The following COL5A1 variants were observed in gnomAD, a reference collection of about 807,000 sequenced individuals.
The protein encoded by COL5A1 is collagen type V alpha 1 chain, also known as collagen alpha-1(V) chain.
A neutral mutation model predicts 263.7 loss-of-function variants in COL5A1; 16 were observed. The observed-to-expected ratio is 0.06, with a 90% CI of 0.04 to 0.09. The LOEUF is 0.09. COL5A1 is among the 10% of genes least tolerant of loss of function. The pLI, the probability that COL5A1 is intolerant of heterozygous loss-of-function variation, is 1.00. For synonymous variants in COL5A1, 1,012 were observed against 1,004.5 expected, an observed-to-expected ratio of 1.01 and a Z score of -0.14; for missense variants, 2,036 against 2,540.5, an observed-to-expected ratio of 0.80 and a Z score of 4.27.
chr9:134,756,590 C>T, intron 16 of COL5A1, among the ~76,000 whole-genome samples, 175 bp from the exon 17 acceptor site: 1 of 152,198 alleles, frequency 6.6e-6, no homozygotes, highest in East Asian at 1.9e-4. Flanking sequence ...CAGAACAGCC[C>T]CGCCCGGGCT....
intron 32 of COL5A1, among the ~76,000 whole-genome samples, chr9:134,791,130 C>G (rs756692428): frequency 7.2e-5 from 11 of 152,212 alleles, no homozygotes; most frequent in Non-Finnish European, 1.0e-4. Context: ...AAACCTGACT[C>G]AAGCCCAGAC....
At chr9:134,830,164 G>GC in intron 64 of COL5A1, 120 bp downstream of exon 64, 3 of 1,610,808 alleles carry the variant, frequency 1.9e-6, no homozygotes, top group Non-Finnish European at 2.5e-6. Flanking sequence ...GTCAGTACAA[G>GC]CGGGGGTCCC....
chr9:134,744,903 A>G (rs186324232), intron 11 of COL5A1, among the ~76,000 whole-genome samples: 7 of 152,278 alleles, frequency 4.6e-5, no homozygotes, highest in African/African-American at 1.7e-4. Context: ...ACTCATGCAC[A>G]TATGCACACA....
rs1363712703 is a variant in COL5A1, at chr9:134,758,934, ATCTGTCTCAATAGACTGTGGTCT to A, written c.1935+642_1935+664del. ...AACAGCCAAGCCCCTCGAATCTTGA[ATCTGTCTCAATAGACTGTGGTCT>A]TCTTTCAATAACAACGTGATAGAAA... On this transcript the variant is annotated intron_variant, in intron 18 of 65. Transcript: ENST00000371817. The surrounding 1 kb of genome is among the most constrained non-coding windows in gnomAD (Gnocchi z 4.1). Among the ~76,000 whole-genome samples, 2 of 152,152 alleles carry A rather than the reference ATCTGTCTCAATAGACTGTGGTCT, an allele frequency of 1.3e-5. No individual in the cohort carries two copies. Among genetic ancestry groups the A allele is most frequent in the African/African-American group, 2.4e-5 (1 of 41,406 alleles).
chr9:134,801,232 G>A lies in COL5A1; in HGVS notation c.2953-722G>A, dbSNP rs562373874. ...CGAGTTATGAAAGCAGCTGGCCCTC[G>A]CTCTTGCCTGTTTTAAATACATGCT... On this transcript the variant is annotated intron_variant, in intron 37 of 65. Coordinates refer to ENST00000371817, the MANE Select transcript of COL5A1 (RefSeq NM_000093.5). Among the ~76,000 whole-genome samples the A allele has an allele frequency of 4.5e-4, 69 of 152,338 alleles. No homozygotes were observed. In the Middle Eastern group the frequency reaches 0.01, roughly 23 times the overall value.
chr9:134,738,402 C>T, intron 9 of COL5A1, 72 bp from the exon 10 acceptor site: 1 of 1,573,834 alleles, frequency 6.4e-7, no homozygotes, highest in Non-Finnish European at 8.7e-7. Flanking sequence ...TGAAGGCCGT[C>T]CACACCACTG....
At chr9:134,693,101 C>T (rs1833340332) in intron 2 of COL5A1, among the ~76,000 whole-genome samples, 1 of 152,016 alleles carries the variant, frequency 6.6e-6, no homozygotes, top group South Asian at 2.1e-4. Flanking sequence ...AAAGAAATGG[C>T]TTGGCCTTCC....
At chr9:134,667,288 C>G (rs950623764) in intron 1 of COL5A1, among the ~76,000 whole-genome samples, 1 of 152,218 alleles carries the variant, frequency 6.6e-6, no homozygotes, top group Non-Finnish European at 1.5e-5. Context: ...CTGTCCCTAG[C>G]CTATCTGGTG....
At chr9:134,665,514 A>G (rs1242838375) in intron 1 of COL5A1, among the ~76,000 whole-genome samples, 1 of 152,242 alleles carries the variant, frequency 6.6e-6, no homozygotes, top group Non-Finnish European at 1.5e-5. Flanking sequence ...GTCTATGATT[A>G]TTGAAAAGGG....
At chr9:134,762,235 GCT>G (rs1167263506) in intron 19 of COL5A1, among the ~76,000 whole-genome samples, 1 of 152,240 alleles carries the variant, frequency 6.6e-6, no homozygotes, top group African/African-American at 2.4e-5. Context: ...CTCGGGGCCA[GCT>G]CTCAGCTCTC....
chr9:134,727,499 C>G (rs1834705445), intron 5 of COL5A1, 102 bp downstream of exon 5: 1 of 1,366,402 alleles, frequency 7.3e-7, no homozygotes, highest in Admixed American at 1.8e-5. Context: ...TAAATAAATC[C>G]ACTGGGTGAG....
At chr9:134,679,978 C>G (rs764144199) in intron 1 of COL5A1, among the ~76,000 whole-genome samples, 1 of 151,828 alleles carries the variant, frequency 6.6e-6, no homozygotes, top group Non-Finnish European at 1.5e-5. Flanking sequence ...GGGGTGGTGC[C>G]GGGTCAGGTG....
At chr9:134,674,053 AC>A (rs1371350165) in intron 1 of COL5A1, among the ~76,000 whole-genome samples, 2 of 152,094 alleles carry the variant, frequency 1.3e-5, no homozygotes, top group Non-Finnish European at 2.9e-5. Context: ...AAAAACTATC[AC>A]CCATTCTTGG....
At chr9:134,808,633 T>C (rs747972104) in intron 42 of COL5A1, among the ~76,000 whole-genome samples, 17 of 152,216 alleles carry the variant, frequency 1.1e-4, no homozygotes, top group Non-Finnish European at 2.2e-4. Context: ...TGCACATGCA[T>C]GTGCATGCAT....
intron 63 of COL5A1, among the ~76,000 whole-genome samples, chr9:134,828,483 C>A (rs964726031): frequency 2.6e-5 from 4 of 151,460 alleles, no homozygotes; most frequent in Non-Finnish European, 5.9e-5. Flanking sequence ...ACCACACGCA[C>A]AGATACAGGC....
rs1832427395 is a variant in COL5A1 at position 134,668,590 on chromosome 9, C to T, written c.110-22322C>T. Among the ~76,000 whole-genome samples, 4 of 152,120 alleles carry T rather than the reference C, an allele frequency of 2.6e-5. No homozygotes were observed. The South Asian group carries it at 6.2e-4, about 24-fold the overall frequency. ...TCCATCCATCCATCTATCTACTTGT[C>T]CATCCATACCATTAATCTACCCATA... On this transcript the variant is annotated intron_variant, in intron 1 of 65. Coordinates refer to ENST00000371817, the MANE Select transcript of COL5A1 (RefSeq NM_000093.5).
rs748139985 is a variant in COL5A1 at position 134,763,744 on chromosome 9, C to T, written c.2034+7C>T. ...GGGGCTGCCTGGGGAGCCCGTAAGT[C>T]TGTGAGCTGAGTGGGACGGTGGGGG... On this transcript the variant is annotated splice_region_variant and intron_variant, in intron 20 of 65. Transcript: ENST00000371817. The T allele has an allele frequency of 1.1e-5, 17 of 1,613,272 alleles. No individual in the cohort carries two copies. In the East Asian group the frequency reaches 3.6e-4, roughly 34 times the overall value.
intron 36 of COL5A1, 144 bp from the exon 37 acceptor site, chr9:134,798,264 G>A (rs1010319014): frequency 6.5e-6 from 5 of 771,684 alleles, no homozygotes; most frequent in South Asian, 1.5e-5. Context: ...CACTGTCCCC[G>A]TGCCTGCCAG....
rs1564433458 is a variant in COL5A1 at position 134,753,845 on chromosome 9, C to T, written c.1720-5C>T. 1 of 1,612,560 alleles carries T rather than the reference C, an allele frequency of 6.2e-7. No homozygotes were observed. The highest frequency in any genetic ancestry group is 1.7e-4 in the Middle Eastern group (1 of 6,022). ...CAGACATTAACACACACCATGTCTCCCTAGGGTCCCCCTGGGAGCGGAGGT... is the reference window on the plus strand; with the variant it reads ...CAGACATTAACACACACCATGTCTCTCTAGGGTCCCCCTGGGAGCGGAGGT... On this transcript the variant is annotated splice_polypyrimidine_tract_variant and splice_region_variant and intron_variant, in intron 14 of 65. Coordinates refer to ENST00000371817, the MANE Select transcript of COL5A1 (RefSeq NM_000093.5).
Sources: gnomAD v4.1 joint callset for allele counts (sites outside exome capture counted in the v4.1 genomes callset) on GRCh38, gnomAD v4.1.1 for gene constraint, Gnocchi (gnomAD v3.1) non-coding constraint, MANE v1.5 for transcripts, NCBI Gene and HGNC (gene_info 2026-07-23, HGNC 2026-07-21) for gene names.